The following FAM20A variants were observed in gnomAD, a reference collection of about 807,000 sequenced individuals.
FAM20A encodes FAM20A golgi associated secretory pathway pseudokinase.
Under a neutral mutation model 52.0 loss-of-function variants are expected in FAM20A, and 42 were observed. That is an observed-to-expected ratio of 0.81 (90% CI 0.63 to 1.04). The LOEUF is 1.04. FAM20A is among the 50% of genes least tolerant of loss of function. The pLI is 0.00. For synonymous variants in FAM20A, 304 were observed against 298.9 expected, an observed-to-expected ratio of 1.02 and a Z score of -0.18; for missense variants, 742 against 712.7, an observed-to-expected ratio of 1.04 and a Z score of -0.47.
intron 1 of FAM20A, among the ~76,000 whole-genome samples, chr17:68,560,529 A>G (rs1346377394): frequency 2.0e-5 from 3 of 152,246 alleles, no homozygotes; most frequent in Non-Finnish European, 2.9e-5. Context: ...TTATAAGCCA[A>G]TCAGTTTATG....
chr17:68,561,141 A>G (rs2087200711), intron 1 of FAM20A, among the ~76,000 whole-genome samples: 1 of 152,222 alleles, frequency 6.6e-6, no homozygotes. Flanking sequence ...GATTTTTTAT[A>G]AGGTTGAAAT....
chr17:68,561,670 T>C (rs1474349886), intron 1 of FAM20A, among the ~76,000 whole-genome samples: 1 of 151,606 alleles, frequency 6.6e-6, no homozygotes, highest in Non-Finnish European at 1.5e-5. Context: ...TACAATTATA[T>C]AAACGCTTTC....
At chr17:68,577,935 G>T (rs977908800) in intron 1 of FAM20A, among the ~76,000 whole-genome samples, 1 of 152,080 alleles carries the variant, frequency 6.6e-6, no homozygotes, top group Non-Finnish European at 1.5e-5. Context: ...TTATTTAAAT[G>T]TCATCATTGT....
intron 1 of FAM20A, among the ~76,000 whole-genome samples, chr17:68,596,458 A>T (rs2088455202): frequency 6.6e-6 from 1 of 152,242 alleles, no homozygotes; most frequent in African/African-American, 2.4e-5. Flanking sequence ...GGCCAAGCTG[A>T]TCAGTTTGAC....
intron 1 of FAM20A, among the ~76,000 whole-genome samples, chr17:68,573,742 G>T (rs1333735483): frequency 6.6e-6 from 1 of 151,064 alleles, no homozygotes; most frequent in Non-Finnish European, 1.5e-5. Flanking sequence ...GCAGTGGTGT[G>T]ATCTTGGCTC....
intron 1 of FAM20A, among the ~76,000 whole-genome samples, chr17:68,581,704 T>A (rs1371584036): frequency 6.6e-6 from 1 of 151,472 alleles, no homozygotes; most frequent in Non-Finnish European, 1.5e-5. Context: ...GCCTCCTGAG[T>A]AGCTGGGACT....
intron 1 of FAM20A, among the ~76,000 whole-genome samples, chr17:68,589,553 G>A (rs1343478008): frequency 6.6e-6 from 1 of 152,182 alleles, no homozygotes; most frequent in Admixed American, 6.5e-5. Flanking sequence ...AGTGATAATA[G>A]TTTGGAGTTG....
rs1251027524 is a variant in FAM20A, at chr17:68,542,103, C to A, written c.991G>T (p.Gly331Cys). 1 of 1,614,082 alleles carries A rather than the reference C, an allele frequency of 6.2e-7. No homozygotes were observed. The highest frequency in any genetic ancestry group is 1.7e-5 in the Admixed American group (1 of 60,014). ...GAACCCTCCAGCAGGTGTGGGTTGC[C>A]ACAGACAGCATACTCCGTCTTGCAC... is the stretch of plus-strand genomic sequence containing the variant. ...YMCKTEYAVCGNPHLLEGSLS... is the reference protein window; with the variant it reads ...YMCKTEYAVCCNPHLLEGSLS... Residue 331 changes from glycine (G) to cysteine (C), a missense_variant, in exon 7 of 11, where the codon GGC becomes TGC. By Grantham distance (159) the Gly-to-Cys change is radical (BLOSUM62 -3). Transcript: ENST00000592554.
chr17:68,536,498 A>G lies in FAM20A; in HGVS notation c.*979T>C. Reference sequence around the variant, plus strand: ...TTCTTCTAAGGGAGGCTTCAATAAAAAACCTGACTTAGTCTTTTTTGAGCC... The same window carrying G: ...TTCTTCTAAGGGAGGCTTCAATAAAGAACCTGACTTAGTCTTTTTTGAGCC... On this transcript the variant is annotated 3_prime_UTR_variant, in exon 11 of 11. Coordinates refer to ENST00000592554, the MANE Select transcript of FAM20A (RefSeq NM_017565.4). 2.2e-6 allele frequency: 1 copy of G among 454,124 alleles called. No individual in the cohort carries two copies. The highest frequency in any genetic ancestry group is 4.4e-6 in the Non-Finnish European group (1 of 226,792). 28.1% of individuals were successfully genotyped at this position (454,124 alleles called of 1,614,324 possible). A position where few individuals can be genotyped will look rare whatever the true frequency, so the allele number is the denominator to read the frequency against.
chr17:68,598,295 C>G, intron 1 of FAM20A: 1 of 152,138 alleles, frequency 6.6e-6, no homozygotes, highest in South Asian at 2.1e-4. Flanking sequence ...GTGAGCCACC[C>G]TGCCCGGCCT....
chr17:68,559,276 A>AT (rs1348036580), intron 1 of FAM20A, among the ~76,000 whole-genome samples: 1 of 152,198 alleles, frequency 6.6e-6, no homozygotes, highest in Non-Finnish European at 1.5e-5. Context: ...CCTAAGTAAT[A>AT]TTTTTTATTA....
At chr17:68,596,663 A>G (rs1278016832) in intron 1 of FAM20A, among the ~76,000 whole-genome samples, 1 of 152,220 alleles carries the variant, frequency 6.6e-6, no homozygotes, top group Non-Finnish European at 1.5e-5. Context: ...TTGTTAGTGT[A>G]TGGCCTGAAA....
chr17:68,543,637 A>C lies in FAM20A; in HGVS notation c.804T>G (p.His268Gln). 6.2e-7 allele frequency: 1 copy of C among 1,614,072 alleles called. No individual in the cohort carries two copies. The highest frequency in any genetic ancestry group is 8.5e-7 in the Non-Finnish European group (1 of 1,179,974). ...ATGGGGCCAGACCCTACCTGTCCAGATGGAAAGCTGCGATCTCAGCATTGT... is the reference window on the plus strand; with the variant it reads ...ATGGGGCCAGACCCTACCTGTCCAGCTGGAAAGCTGCGATCTCAGCATTGT... ...QRHNAEIAAF[H>Q]LDRILDFRRV... is the part of the protein sequence containing the mutation. The change falls in exon 5 of 11, where the codon CAT becomes CAG. Residue 268 changes from histidine (H) to glutamine (Q), a missense_variant. Transcript: ENST00000592554.
rs2086071774 is a variant in FAM20A, at chr17:68,535,400, G to C, written c.*2077C>G. 2.2e-6 allele frequency: 1 copy of C among 453,992 alleles called. No homozygotes were observed. The highest frequency in any genetic ancestry group is 2.0e-5 in the African/African-American group (1 of 49,996). 28.1% of individuals were successfully genotyped at this position (453,992 alleles called of 1,614,324 possible). ...AACCAGTCCTTCGTTATAGGAGGTG[G>C]CGGGTTTTGAGGTAGAGCTGTAGCC... On this transcript the variant is annotated 3_prime_UTR_variant, in exon 11 of 11. Transcript: ENST00000592554.
At chr17:68,563,671 C>T (rs970424768) in intron 1 of FAM20A, among the ~76,000 whole-genome samples, 3 of 152,074 alleles carry the variant, frequency 2.0e-5, no homozygotes, top group African/African-American at 4.8e-5. Flanking sequence ...TTCATCATCA[C>T]GCAGTGCCCT....
Position 68,600,751 on chromosome 17 carries a change from T to G in FAM20A, c.-85A>C. On this transcript the variant is annotated 5_prime_UTR_variant, in exon 1 of 11. Transcript: ENST00000592554. The surrounding 1 kb of genome is among the most constrained non-coding windows in gnomAD (Gnocchi z 6.2). ...GGTCGCGGGGTGCGGGCAGAAGAGG[T>G]GCCTGGAGTCCCGCGGGTGGGCCGG... 7.1e-7 allele frequency: 1 copy of G among 1,408,492 alleles called. No individual in the cohort carries two copies. The highest frequency in any genetic ancestry group is 9.4e-7 in the Non-Finnish European group (1 of 1,061,786). 87.2% of individuals were successfully genotyped at this position (1,408,492 alleles called of 1,614,324 possible).
Position 68,584,613 on chromosome 17 carries a change from C to T in FAM20A, c.404+15650G>A, listed in dbSNP as rs185793896. The stretch of plus-strand genomic sequence containing the variant: ...GTAGAGCCTGACCATTCTGGTTCAT[C>T]AGCTTAATTTATGCCTTAATGAGTA... On this transcript the variant is annotated intron_variant, in intron 1 of 10. Transcript: ENST00000592554. 1.2e-4 allele frequency among the ~76,000 whole-genome samples: 18 copies of T among 152,348 alleles called. 1 individual carries two copies. Among genetic ancestry groups the T allele is most frequent in the Admixed American group, 1.0e-3 (16 of 15,306 alleles).
intron 1 of FAM20A, among the ~76,000 whole-genome samples, chr17:68,593,402 C>A (rs781355578): frequency 3.3e-5 from 5 of 152,236 alleles, no homozygotes; most frequent in Non-Finnish European, 7.3e-5. Flanking sequence ...CCTCAGAAAG[C>A]ACAGGAAGCT....
chr17:68,551,668 G>C (rs1353670303), intron 4 of FAM20A, among the ~76,000 whole-genome samples: 1 of 149,030 alleles, frequency 6.7e-6, no homozygotes, highest in Non-Finnish European at 1.5e-5. Context: ...GCCTGAAAAA[G>C]ACAAGCTCTT....
Sources: allele counts gnomAD v4.1 joint callset (sites outside exome capture counted in the v4.1 genomes callset), GRCh38; gene constraint gnomAD v4.1.1; non-coding constraint Gnocchi (gnomAD v3.1); transcripts MANE v1.5; gene names NCBI Gene and HGNC (gene_info 2026-07-23, HGNC 2026-07-21).